CNTNAP2: variants seen among roughly 807,000 people sequenced by gnomAD.
The protein encoded by CNTNAP2 is contactin associated protein 2.
CNTNAP2 carries 98 observed loss-of-function variants against 155.2 expected under a neutral mutation model. The observed-to-expected ratio is 0.63, with a 90% CI of 0.54 to 0.75. The LOEUF (loss-of-function observed/expected upper bound fraction) is 0.75, where lower values mean the gene tolerates loss of function less well. Among genes scored for constraint, CNTNAP2 ranks in the 30% least tolerant of loss-of-function variants. CNTNAP2 has a pLI of 0.00. For missense variants in CNTNAP2, 1,727 were observed against 1,688.1 expected (o/e 1.02, Z -0.40); for synonymous variants, 651 against 631.2 (o/e 1.03, Z -0.47).
intron 8 of CNTNAP2, among the ~76,000 whole-genome samples, chr7:147,139,729 C>T (rs1462853625): frequency 2.0e-5 from 3 of 152,006 alleles, no homozygotes; most frequent in East Asian, 3.9e-4. Flanking sequence ...ATTCTGTGAG[C>T]CTCTGAAAGT....
intron 11 of CNTNAP2, among the ~76,000 whole-genome samples, chr7:147,553,517 T>C (rs1799892299): frequency 6.6e-6 from 1 of 152,226 alleles, no homozygotes; most frequent in Non-Finnish European, 1.5e-5. Flanking sequence ...CTTTGTTTTA[T>C]AATCTTTTAT....
chr7:147,442,235 C>T (rs549057423), intron 10 of CNTNAP2, among the ~76,000 whole-genome samples: 26 of 151,934 alleles, frequency 1.7e-4, no homozygotes, highest in Middle Eastern at 3.4e-3. Flanking sequence ...CAGTCCTTCC[C>T]ACTCTTCTCT....
chr7:146,670,719 C>T (rs759005365), intron 1 of CNTNAP2, among the ~76,000 whole-genome samples: 5 of 152,072 alleles, frequency 3.3e-5, no homozygotes, highest in African/African-American at 7.2e-5. Flanking sequence ...ACCAGTACTG[C>T]CACAATTCCA....
intron 3 of CNTNAP2, among the ~76,000 whole-genome samples, chr7:146,981,838 A>G (rs1336321290): frequency 3.9e-5 from 6 of 152,190 alleles, no homozygotes; most frequent in Non-Finnish European, 5.9e-5. Context: ...GATGGTATAA[A>G]TCAGGAGTTA....
chr7:147,667,108 C>A (rs1334950388), intron 13 of CNTNAP2, among the ~76,000 whole-genome samples: 1 of 152,130 alleles, frequency 6.6e-6, no homozygotes, highest in East Asian at 1.9e-4. Flanking sequence ...GAATTTACTG[C>A]TAGCTCTGGG....
At chr7:146,900,089 CTTG>C (rs1177952214) in intron 3 of CNTNAP2, among the ~76,000 whole-genome samples, 1 of 152,156 alleles carries the variant, frequency 6.6e-6, no homozygotes, top group African/African-American at 2.4e-5. Flanking sequence ...TTCAGTACTA[CTTG>C]TTGTTAACTA....
intron 13 of CNTNAP2, among the ~76,000 whole-genome samples, chr7:147,787,153 G>GC (rs1200499398): frequency 8.5e-5 from 13 of 152,286 alleles, no homozygotes; most frequent in Non-Finnish European, 1.6e-4. Flanking sequence ...GCAGGTGTGC[G>GC]CTTTCACTTC....
intron 1 of CNTNAP2, among the ~76,000 whole-genome samples, chr7:146,761,421 C>T (rs375043429): frequency 2.6e-5 from 4 of 151,910 alleles, no homozygotes; most frequent in African/African-American, 7.3e-5. Flanking sequence ...GCACTTGCCT[C>T]CTGAGATTTG....
intron 22 of CNTNAP2, among the ~76,000 whole-genome samples, chr7:148,391,739 G>T (rs537977304): frequency 6.6e-6 from 1 of 152,118 alleles, no homozygotes; most frequent in African/African-American, 2.4e-5. Flanking sequence ...GGAATGAAAA[G>T]GATTTGCCAG....
intron 1 of CNTNAP2, among the ~76,000 whole-genome samples, chr7:146,122,700 T>C (rs1398409302): frequency 1.3e-5 from 2 of 152,204 alleles, no homozygotes; most frequent in African/African-American, 4.8e-5. Context: ...CTATCCGTGG[T>C]ATTATTTTAC....
chr7:147,056,986 T>A (rs1385025894), intron 4 of CNTNAP2, among the ~76,000 whole-genome samples: 1 of 151,716 alleles, frequency 6.6e-6, no homozygotes. Flanking sequence ...TTTTTTTGGT[T>A]TGTTTGTTTG....
chr7:147,453,120 C>A (rs994096147), intron 10 of CNTNAP2, among the ~76,000 whole-genome samples: 7 of 152,122 alleles, frequency 4.6e-5, no homozygotes, highest in African/African-American at 1.7e-4. Context: ...TTTTCCCTTT[C>A]TCCTGCTGGC....
At chr7:146,961,071 G>T (rs1797549680) in intron 3 of CNTNAP2, among the ~76,000 whole-genome samples, 2 of 152,184 alleles carry the variant, frequency 1.3e-5, no homozygotes, top group African/African-American at 2.4e-5. Flanking sequence ...TTTATCATGA[G>T]AAATTAATCC....
chr7:147,570,197 C>T (rs573904221), intron 12 of CNTNAP2, among the ~76,000 whole-genome samples: 24 of 152,286 alleles, frequency 1.6e-4, no homozygotes, highest in African/African-American at 4.8e-4. Context: ...TAAAGAAGCC[C>T]GGTCCCATTA....
At chr7:147,367,922 G>A (rs1796263248) in intron 9 of CNTNAP2, among the ~76,000 whole-genome samples, 1 of 151,868 alleles carries the variant, frequency 6.6e-6, no homozygotes, top group Non-Finnish European at 1.5e-5. Context: ...TTGCGGTCAG[G>A]TCCTTCCAGG....
At chr7:147,812,215 T>C (rs908651194) in intron 13 of CNTNAP2, among the ~76,000 whole-genome samples, 2 of 152,138 alleles carry the variant, frequency 1.3e-5, no homozygotes, top group African/African-American at 4.8e-5. Flanking sequence ...GTGTCTGAGA[T>C]GTTCCAGGAA....
intron 3 of CNTNAP2, among the ~76,000 whole-genome samples, chr7:146,933,861 T>C (rs555846495): frequency 7.2e-5 from 11 of 151,810 alleles, no homozygotes; most frequent in South Asian, 2.1e-4. Context: ...CACTGGCCAT[T>C]AGAGAAATGC....
intron 1 of CNTNAP2, among the ~76,000 whole-genome samples, chr7:146,431,564 T>C (rs772318769): frequency 5.9e-5 from 9 of 152,094 alleles, no homozygotes; most frequent in Admixed American, 6.6e-5. Flanking sequence ...TTGCCAGGCA[T>C]ATTTCTATAT....
At chr7:147,482,514 C>A (rs895830130) in intron 10 of CNTNAP2, among the ~76,000 whole-genome samples, 1 of 150,876 alleles carries the variant, frequency 6.6e-6, no homozygotes, top group African/African-American at 2.4e-5. Flanking sequence ...GTCAGGAGAT[C>A]GAGACCATGC....
Sources: gnomAD v4.1 joint callset for allele counts (sites outside exome capture counted in the v4.1 genomes callset) on GRCh38, gnomAD v4.1.1 for gene constraint, MANE v1.5 for transcripts, NCBI Gene and HGNC (gene_info 2026-07-23, HGNC 2026-07-21) for gene names.